Variants in TBXAS1 observed in about 807,000 individuals in gnomAD.
TBXAS1 encodes the protein thromboxane-A synthase.
Under a neutral mutation model 60.7 loss-of-function variants are expected in TBXAS1, and 48 were observed. The observed-to-expected ratio is 0.79, with a 90% confidence interval of 0.63 to 1.01. The LOEUF is 1.01. Ranked by LOEUF, TBXAS1 falls within the 50% of genes least tolerant of loss-of-function variation. TBXAS1 has a pLI of 0.00. For synonymous variants in TBXAS1, 287 were observed against 269.7 expected (o/e 1.06, Z -0.63); for missense variants, 685 against 686.3 (o/e 1.00, Z 0.02).
intron 3 of TBXAS1, among the ~76,000 whole-genome samples, chr7:139,894,560 A>T (rs1286371097): frequency 2.6e-5 from 4 of 152,222 alleles, no homozygotes; most frequent in African/African-American, 9.6e-5. Flanking sequence ...TGGGAAATCT[A>T]GCAGATATAG....
intron 9 of TBXAS1, 66 bp downstream of exon 9, chr7:139,962,299 G>A: frequency 6.3e-7 from 1 of 1,580,120 alleles, no homozygotes; most frequent in Non-Finnish European, 8.7e-7. Context: ...GTGTTTGTGG[G>A]AGTGAAACTT....
At chr7:139,973,809 T>C (rs1811380950) in intron 9 of TBXAS1, among the ~76,000 whole-genome samples, 4 of 152,206 alleles carry the variant, frequency 2.6e-5, no homozygotes, top group Admixed American at 2.6e-4. Flanking sequence ...TTTGATTTTT[T>C]TTTCTTTTGG....
intron 1 of TBXAS1, among the ~76,000 whole-genome samples, chr7:139,849,587 G>A (rs1472774716): frequency 6.6e-6 from 1 of 152,020 alleles, no homozygotes; most frequent in East Asian, 1.9e-4. Flanking sequence ...ACCTGGGGAC[G>A]TACCTAGGAA....
intron 4 of TBXAS1, among the ~76,000 whole-genome samples, chr7:139,801,509 C>A (rs1361776436): frequency 6.6e-6 from 1 of 150,972 alleles, no homozygotes; most frequent in African/African-American, 2.4e-5. Flanking sequence ...CTTGCTCTGT[C>A]ACCCAGGCTG....
At position 139,939,470 on chromosome 7, in the gene TBXAS1, A is replaced by G. The variant is rs527970194; in HGVS notation, c.450+3163A>G. 4.6e-5 allele frequency among the ~76,000 whole-genome samples: 7 copies of G among 151,076 alleles called. No individual in the cohort carries two copies. In the South Asian group the frequency reaches 1.5e-3, roughly 31 times the overall value. On this transcript the variant is annotated intron_variant, in intron 5 of 12. Transcript: ENST00000448866. ...TCAATAACCTTGAAATTCCCTTGAA[A>G]GGCATTTTTTTCTACTCCATATAGT...
At chr7:139,819,423 A>T (rs570348123) in intron 4 of TBXAS1, among the ~76,000 whole-genome samples, 8 of 152,316 alleles carry the variant, frequency 5.3e-5, no homozygotes, top group African/African-American at 1.9e-4. Context: ...ACACTTCTGT[A>T]GTGTGAAGCT....
intron 5 of TBXAS1, among the ~76,000 whole-genome samples, chr7:139,944,789 G>C (rs1808569892): frequency 6.6e-6 from 1 of 152,208 alleles, no homozygotes; most frequent in Non-Finnish European, 1.5e-5. Context: ...TGTTTAGATG[G>C]ATAGGGTTAT....
At chr7:139,912,504 G>C (rs1168483792) in intron 4 of TBXAS1, among the ~76,000 whole-genome samples, 1 of 152,146 alleles carries the variant, frequency 6.6e-6, no homozygotes, top group Non-Finnish European at 1.5e-5. Flanking sequence ...TCATTCTTTT[G>C]TTGATTATGT....
chr7:139,850,751 C>T (rs906615975), intron 1 of TBXAS1, among the ~76,000 whole-genome samples: 5 of 152,026 alleles, frequency 3.3e-5, no homozygotes, highest in South Asian at 2.1e-4. Context: ...AGAGGGAGGA[C>T]GACATGTAGA....
chr7:139,901,343 A>C (rs1285110297), intron 3 of TBXAS1, among the ~76,000 whole-genome samples: 1 of 149,184 alleles, frequency 6.7e-6, no homozygotes, highest in Non-Finnish European at 1.5e-5. Flanking sequence ...AAAAAAAAAG[A>C]AGCAGGAAGA....
At chr7:139,842,894 C>T (rs552938166) in intron 1 of TBXAS1, among the ~76,000 whole-genome samples, 21 of 152,252 alleles carry the variant, frequency 1.4e-4, no homozygotes, top group Non-Finnish European at 2.4e-4. Context: ...TTTTTCCCCT[C>T]GAAGATATCT....
intron 4 of TBXAS1, among the ~76,000 whole-genome samples, chr7:139,812,241 G>A (rs1467175194): frequency 6.6e-6 from 1 of 152,190 alleles, no homozygotes; most frequent in Non-Finnish European, 1.5e-5. Flanking sequence ...ACACTTTGTG[G>A]TTGAGGCTGA....
intron 9 of TBXAS1, among the ~76,000 whole-genome samples, chr7:139,996,330 G>C (rs1447807388): frequency 1.3e-5 from 2 of 152,106 alleles, no homozygotes; most frequent in Non-Finnish European, 2.9e-5. Context: ...ATGTTTTCCA[G>C]GGTCCCTTAC....
chr7:139,976,672 T>C (rs185212797), intron 9 of TBXAS1, among the ~76,000 whole-genome samples: 4 of 152,300 alleles, frequency 2.6e-5, no homozygotes, highest in Non-Finnish European at 5.9e-5. Flanking sequence ...AAACTGTAGC[T>C]GATTGGGTTC....
At chr7:139,937,555 T>C (rs1807887759) in intron 5 of TBXAS1, among the ~76,000 whole-genome samples, 2 of 152,208 alleles carry the variant, frequency 1.3e-5, no homozygotes, top group African/African-American at 4.8e-5. Flanking sequence ...CCTGTCTCTG[T>C]ATGCAGCACC....
intron 3 of TBXAS1, among the ~76,000 whole-genome samples, chr7:139,878,742 C>T (rs1013109132): frequency 6.6e-6 from 1 of 152,168 alleles, no homozygotes; most frequent in Non-Finnish European, 1.5e-5. Context: ...TTGCAGAGAA[C>T]AATTTAATTT....
intron 9 of TBXAS1, among the ~76,000 whole-genome samples, chr7:139,990,902 A>AC (rs1324010521): frequency 6.6e-6 from 1 of 151,816 alleles, no homozygotes; most frequent in Admixed American, 6.6e-5. Context: ...CTTCAGGCTA[A>AC]CCCCCTTGGA....
At chr7:139,862,223 T>A (rs1801020588) in intron 1 of TBXAS1, among the ~76,000 whole-genome samples, 1 of 152,154 alleles carries the variant, frequency 6.6e-6, no homozygotes, top group Admixed American at 6.5e-5. Context: ...AGATGTGGAA[T>A]TATTGACTTT....
chr7:139,961,805 C>G (rs1810370097), intron 8 of TBXAS1, 114 bp from the exon 9 acceptor site: 2 of 1,298,346 alleles, frequency 1.5e-6, no homozygotes, highest in Non-Finnish European at 2.2e-6. Context: ...AAGCTTGTTG[C>G]TACTGAGCTC....
Sources: gnomAD v4.1 joint callset for allele counts (sites outside exome capture counted in the v4.1 genomes callset) on GRCh38, gnomAD v4.1.1 for gene constraint, MANE v1.5 for transcripts, NCBI Gene and HGNC (gene_info 2026-07-23, HGNC 2026-07-21) for gene names.